The following CEP57L1 variants were observed in gnomAD, a reference collection of about 807,000 sequenced individuals.
CEP57L1 encodes centrosomal protein 57 like 1.
Under a neutral mutation model 61.0 loss-of-function variants are expected in CEP57L1, and 37 were observed. The ratio of observed to expected loss-of-function variants is 0.61; its 90% CI spans 0.47 to 0.80. The LOEUF (loss-of-function observed/expected upper bound fraction) is 0.80. Among genes scored for constraint, CEP57L1 ranks in the 30% least tolerant of loss-of-function variants. The probability of loss-of-function intolerance (pLI) is 0.00; values close to 1 mark genes in which losing one functional copy is unlikely to be tolerated. For missense variants in CEP57L1, 422 were observed against 524.7 expected (o/e 0.80, Z 1.91); for synonymous variants, 137 against 162.3 (o/e 0.84, Z 1.19).
intron 1 of CEP57L1, among the ~76,000 whole-genome samples, chr6:109,102,789 TC>T (rs1562493791): frequency 6.6e-6 from 1 of 152,214 alleles, no homozygotes; most frequent in Non-Finnish European, 1.5e-5. Context: ...TTATACTGAA[TC>T]TGTACAACTA....
At chr6:109,096,748 T>A (rs929424899) in intron 1 of CEP57L1, among the ~76,000 whole-genome samples, 1 of 152,246 alleles carries the variant, frequency 6.6e-6, no homozygotes, top group South Asian at 2.1e-4. Flanking sequence ...GAATAACTTA[T>A]GAGTGTGATT....
At chr6:109,109,652 T>G (rs1771346161) in intron 1 of CEP57L1, among the ~76,000 whole-genome samples, 1 of 152,222 alleles carries the variant, frequency 6.6e-6, no homozygotes, top group Non-Finnish European at 1.5e-5. Context: ...CAACCCATCA[T>G]CTACATTAGG....
chr6:109,126,186 A>G (rs976686616), intron 1 of CEP57L1, among the ~76,000 whole-genome samples: 1 of 152,220 alleles, frequency 6.6e-6, no homozygotes, highest in African/African-American at 2.4e-5. Flanking sequence ...ACTTACAGAA[A>G]GAATAAACAT....
At chr6:109,115,519 A>G (rs1405093524) in intron 1 of CEP57L1, among the ~76,000 whole-genome samples, 2 of 152,126 alleles carry the variant, frequency 1.3e-5, no homozygotes, top group African/African-American at 4.8e-5. Context: ...TGGCCCACCC[A>G]TTGTCGGTGT....
At chr6:109,111,083 C>G (rs1292706924) in intron 1 of CEP57L1, among the ~76,000 whole-genome samples, 1 of 152,078 alleles carries the variant, frequency 6.6e-6, no homozygotes, top group African/African-American at 2.4e-5. Context: ...GTAGCTTGAT[C>G]AGGATAGCAT....
chr6:109,104,862 C>T (rs544760112), intron 1 of CEP57L1, among the ~76,000 whole-genome samples: 1 of 152,294 alleles, frequency 6.6e-6, no homozygotes, highest in East Asian at 1.9e-4. Flanking sequence ...GCTAGGATTA[C>T]AGACATGAGC....
intron 1 of CEP57L1, among the ~76,000 whole-genome samples, chr6:109,114,754 C>G (rs1772086343): frequency 6.6e-6 from 1 of 151,984 alleles, no homozygotes; most frequent in Admixed American, 6.6e-5. Flanking sequence ...CAATGGGGTA[C>G]AAAGTTAAGT....
chr6:109,142,895 C>T (rs1036538543), intron 1 of CEP57L1, among the ~76,000 whole-genome samples: 2 of 151,852 alleles, frequency 1.3e-5, no homozygotes, highest in African/African-American at 4.8e-5. Flanking sequence ...TGTGCTCTCT[C>T]TGTTTCTCTG....
intron 1 of CEP57L1, among the ~76,000 whole-genome samples, chr6:109,110,356 T>A (rs1771454243): frequency 6.6e-6 from 1 of 152,250 alleles, no homozygotes; most frequent in Non-Finnish European, 1.5e-5. Flanking sequence ...GAAGTGTCTG[T>A]TCATATCCTT....
At chr6:109,115,748 A>G (rs1427625338) in intron 1 of CEP57L1, among the ~76,000 whole-genome samples, 1 of 152,190 alleles carries the variant, frequency 6.6e-6, no homozygotes, top group Non-Finnish European at 1.5e-5. Context: ...TTTTATACAT[A>G]TTCAATTAGC....
intron 2 of CEP57L1, 94 bp downstream of exon 2, chr6:109,145,475 TTAACAAAACTCCTAAC>T: frequency 1.2e-6 from 1 of 804,518 alleles, no homozygotes; most frequent in East Asian, 2.7e-5. Flanking sequence ...ATATTTAATC[TTAACAAAACTCCTAAC>T]TTTGATTCTG....
At chr6:109,160,529 C>A in intron 9 of CEP57L1, 43 bp from the exon 10 acceptor site, 2 of 1,421,574 alleles carry the variant, frequency 1.4e-6, no homozygotes, top group South Asian at 1.3e-5. Flanking sequence ...GAAATATATG[C>A]AATAAACTAT....
chr6:109,166,053 C>G lies in CEP57L1; in HGVS notation c.*3083C>G, dbSNP rs949597869. ...GTGTTTGAAGCAGCAGGTATTGTGA[C>G]TATATTCTGATACTGGAAATGGGAG... is the stretch of plus-strand genomic sequence containing the variant. On this transcript the variant is annotated 3_prime_UTR_variant, in exon 11 of 11. Transcript: ENST00000517392. 1.3e-5 allele frequency among the ~76,000 whole-genome samples: 2 copies of G among 152,158 alleles called. No homozygotes were observed. Among genetic ancestry groups the G allele is most frequent in the Non-Finnish European group, 2.9e-5 (2 of 68,042 alleles).
intron 1 of CEP57L1, among the ~76,000 whole-genome samples, chr6:109,138,280 GT>G (rs1770960800): frequency 6.6e-6 from 1 of 152,134 alleles, no homozygotes; most frequent in Non-Finnish European, 1.5e-5. Flanking sequence ...TGGTTGCTGG[GT>G]GAAGAATAGA....
rs1041435184 is a variant in CEP57L1 at position 109,171,381 on chromosome 6, G to A, written c.*8411G>A. Among the ~76,000 whole-genome samples the A allele has an allele frequency of 6.6e-6, 1 of 151,760 alleles. No individual in the cohort carries two copies. The highest frequency in any genetic ancestry group is 2.4e-5 in the African/African-American group (1 of 41,290). Reference sequence around the variant, plus strand: ...AGCCTCCCAAGTAGCTGGGATTACAGGCATGCGTCACCACACCCGGCTGTT... The same window carrying A: ...AGCCTCCCAAGTAGCTGGGATTACAAGCATGCGTCACCACACCCGGCTGTT... On this transcript the variant is annotated 3_prime_UTR_variant, in exon 11 of 11. Transcript: ENST00000517392.
At chr6:109,147,728 G>A (rs1255569340) in intron 3 of CEP57L1, among the ~76,000 whole-genome samples, 1 of 152,190 alleles carries the variant, frequency 6.6e-6, no homozygotes, top group Non-Finnish European at 1.5e-5. Flanking sequence ...GGGAAAATGA[G>A]AGTGGTAGAT....
chr6:109,122,239 A>G (rs528653377), intron 1 of CEP57L1, among the ~76,000 whole-genome samples: 23 of 152,312 alleles, frequency 1.5e-4, no homozygotes, highest in African/African-American at 3.6e-4. Context: ...CCCACTGGTT[A>G]TATGAATTCA....
In CEP57L1 at chr6:109,166,899, A is replaced by C. The variant is rs1694785022; in HGVS notation, c.*3929A>C. 6.6e-6 allele frequency among the ~76,000 whole-genome samples: 1 copy of C among 152,216 alleles called. No individual in the cohort carries two copies. The highest frequency in any genetic ancestry group is 6.5e-5 in the Admixed American group (1 of 15,286). ...TGGAACAATATTCAGCTGTAACTAAAGCTTTATCTACTGAGAACATTTAAT... is the reference window on the plus strand; with the variant it reads ...TGGAACAATATTCAGCTGTAACTAACGCTTTATCTACTGAGAACATTTAAT... On this transcript the variant is annotated 3_prime_UTR_variant, in exon 11 of 11. Coordinates refer to ENST00000517392, the MANE Select transcript of CEP57L1 (RefSeq NM_001271852.3).
chr6:109,112,504 T>C (rs1327891561), intron 1 of CEP57L1, among the ~76,000 whole-genome samples: 5 of 152,190 alleles, frequency 3.3e-5, no homozygotes, highest in African/African-American at 1.2e-4. Flanking sequence ...TTTGTGTCTC[T>C]ATCTCCTTCA....
Sources: gnomAD v4.1 joint callset for allele counts (sites outside exome capture counted in the v4.1 genomes callset) on GRCh38, gnomAD v4.1.1 for gene constraint, MANE v1.5 for transcripts, NCBI Gene and HGNC (gene_info 2026-07-23, HGNC 2026-07-21) for gene names.